The following MUC5B variants were observed in gnomAD, a reference collection of about 807,000 sequenced individuals.
MUC5B encodes mucin-5B.
In MUC5B, 116 loss-of-function variants were observed where a neutral mutation model predicts 376.9. The ratio of observed to expected loss-of-function variants is 0.31; its 90% CI spans 0.26 to 0.36. MUC5B has a LOEUF of 0.36. Ranked by LOEUF, MUC5B falls within the 10% of genes least tolerant of loss-of-function variation. MUC5B has a pLI of 1.00. For synonymous variants in MUC5B, 3,517 were observed against 3,390.9 expected, an observed-to-expected ratio of 1.04 and a Z score of -1.29; for missense variants, 7,165 against 7,769.9, an observed-to-expected ratio of 0.92 and a Z score of 2.93.
At chr11:1,226,065 AG>A (rs1382996446) in intron 2 of MUC5B, 139 bp from the exon 3 acceptor site, 9 of 819,050 alleles carry the variant, frequency 1.1e-5, no homozygotes, top group Non-Finnish European at 1.3e-5. Flanking sequence ...CCAAGGGTAA[AG>A]GGGCTGCCTT....
At position 1,260,132 on chromosome 11, in the gene MUC5B, G is replaced by A. The variant is rs377440425; in HGVS notation, c.16923+47G>A. The stretch of plus-strand genomic sequence containing the variant: ...CCTGCCTGGGAGTCCTTGTCCATCA[G>A]GGAGGCCCAACCCCTGTCTGGGATG... On this transcript the variant is annotated intron_variant, in intron 46 of 48. Transcript: ENST00000529681. 1.8e-4 allele frequency: 281 copies of A among 1,601,562 alleles called. 3 individuals carry two copies. In the African/African-American group the frequency reaches 3.4e-3, roughly 19 times the overall value.
rs570617650 is a variant in MUC5B at position 1,258,709 on chromosome 11, G to A, written c.16594-233G>A. On this transcript the variant is annotated intron_variant, in intron 43 of 48. Coordinates refer to ENST00000529681, the MANE Select transcript of MUC5B (RefSeq NM_002458.3). This position sits in a 1 kb window ranked among gnomAD's most constrained non-coding sequence, Gnocchi z 5.5. ...AGATTCCTGCCCCCATGGGGTCTCTGCCCACCCAGATTCCTGCCCACATGG... is the reference window on the plus strand; with the variant it reads ...AGATTCCTGCCCCCATGGGGTCTCTACCCACCCAGATTCCTGCCCACATGG... Among the ~76,000 whole-genome samples, 2 of 151,958 alleles carry A rather than the reference G, an allele frequency of 1.3e-5. No homozygotes were observed. Among genetic ancestry groups the A allele is most frequent in the East Asian group, 3.9e-4 (2 of 5,162 alleles).
chr11:1,252,411 G>A lies in MUC5B; in HGVS notation c.14932G>A (p.Asp4978Asn). The change falls in exon 32 of 49, where the codon GAC (aspartate) becomes AAC (asparagine). Residue 4978 changes from aspartate (D) to asparagine (N), a missense_variant. By Grantham distance (23) the Asp-to-Asn change is conservative. Coordinates refer to ENST00000529681, the MANE Select transcript of MUC5B (RefSeq NM_002458.3). The stretch of plus-strand genomic sequence containing the variant: ...CTACGCAGTGTGCAATCAGCACTGT[G>A]ACATTGACCGCTTCCAGGGCGCCTG... ...HFYAVCNQHCDIDRFQGACPT... is the reference protein window; with the variant it reads ...HFYAVCNQHCNIDRFQGACPT... The A allele has an allele frequency of 6.2e-7, 1 of 1,611,166 alleles. No homozygotes were observed. Among genetic ancestry groups the A allele is most frequent in the Non-Finnish European group, 8.5e-7 (1 of 1,178,988 alleles).
chr11:1,224,654 G>T (rs1393952689), intron 1 of MUC5B, among the ~76,000 whole-genome samples: 1 of 152,040 alleles, frequency 6.6e-6, no homozygotes, highest in South Asian at 2.1e-4. Flanking sequence ...TGGCACACAG[G>T]GGCAGGGCTG....
At chr11:1,231,083 G>A (rs917755523) in intron 13 of MUC5B, 78 bp downstream of exon 13, 13 of 1,397,676 alleles carry the variant, frequency 9.3e-6, no homozygotes, top group African/African-American at 2.9e-5. Context: ...GGCAGCGTCC[G>A]CTCCATCCCT....
rs1239815260 is a variant in MUC5B, at chr11:1,232,196, C to A, written c.1843+36C>A. 1.5e-5 allele frequency: 24 copies of A among 1,550,756 alleles called. No homozygotes were observed. In the African/African-American group the frequency reaches 2.0e-4, roughly 13 times the overall value. On this transcript the variant is annotated intron_variant, in intron 15 of 48. Coordinates refer to ENST00000529681, the MANE Select transcript of MUC5B (RefSeq NM_002458.3). ...CCCCCACCCCCACAGTCACCCCAGG[C>A]TCAAGTCCCACCCAGCACCTTCCTG...
At chr11:1,240,466 G>C in intron 30 of MUC5B, 91 bp downstream of exon 30, 1 of 1,219,716 alleles carries the variant, frequency 8.2e-7, no homozygotes. Flanking sequence ...CTGTATGGTA[G>C]CGACAGTCCC....
Position 1,231,290 on chromosome 11 carries a change from G to A in MUC5B, c.1541-133G>A, listed in dbSNP as rs1164498552. ...ACAGGCATGGGACAGGGAGCCTGAG[G>A]GCTCCTGGCCACTCCTGGGTCTCAC... is the stretch of plus-strand genomic sequence containing the variant. On this transcript the variant is annotated intron_variant, in intron 13 of 48. Coordinates refer to ENST00000529681, the MANE Select transcript of MUC5B (RefSeq NM_002458.3). 1.7e-5 allele frequency: 20 copies of A among 1,143,820 alleles called. No homozygotes were observed. The South Asian group carries it at 2.0e-4, about 12-fold the overall frequency. 70.9% of individuals were successfully genotyped at this position (1,143,820 alleles called of 1,614,324 possible).
chr11:1,238,299 CA>C (rs1196319524), intron 25 of MUC5B, among the ~76,000 whole-genome samples: 1 of 152,224 alleles, frequency 6.6e-6, no homozygotes. Context: ...CCCCAGTGAT[CA>C]GGGGACGAGG....
rs747287635 is a variant in MUC5B, at chr11:1,258,154, G to A, written c.16506G>A (p.Glu5502=). 6.2e-7 allele frequency: 1 copy of A among 1,602,792 alleles called. No individual in the cohort carries two copies. ...QSLPVCPPGQ[E]SICTQEEGDC... ...TGCCTGTGTGCCCGCCAGGGCAGGA[G>A]TCCATCTGCACCCAGGAGGAGGGCG... The change falls in exon 42 of 49, where the codon GAG becomes GAA. Residue 5502 remains glutamate, a synonymous_variant. Transcript: ENST00000529681. The surrounding 1 kb of genome is among the most constrained non-coding windows in gnomAD (Gnocchi z 5.5).
Position 1,246,727 on chromosome 11 carries a change from A to C in MUC5B, c.9847A>C (p.Thr3283Pro), listed in dbSNP as rs777266917. The change falls in exon 31 of 49, where the codon ACG becomes CCG. Residue 3283 changes from threonine (T) to proline (P), a missense_variant. By Grantham distance (38) the Thr-to-Pro change is conservative (BLOSUM62 -1). Transcript: ENST00000529681. ...CCACACCTCCACAGTGCTTACCACC[A>C]CGACCACCACAACCAGGGCCACCGG... The part of the protein sequence containing the change: ...TVHTSTVLTT[T>P]TTTTRATGSV... The C allele has an allele frequency of 1.2e-6, 2 of 1,608,206 alleles. No individual in the cohort carries two copies. Among genetic ancestry groups the C allele is most frequent in the Non-Finnish European group, 1.7e-6 (2 of 1,176,650 alleles).
chr11:1,260,196 C>A, intron 46 of MUC5B, 111 bp downstream of exon 46: 2 of 1,437,344 alleles, frequency 1.4e-6, no homozygotes, highest in South Asian at 2.6e-5. Flanking sequence ...GCTGGGGAGG[C>A]CCCACCCCTG....
intron 26 of MUC5B, 43 bp from the exon 27 acceptor site, chr11:1,239,395 G>A (rs1564937213): frequency 1.3e-6 from 2 of 1,578,244 alleles, no homozygotes; most frequent in African/African-American, 1.3e-5. Flanking sequence ...ACAGGGGTGA[G>A]GGCTGGTGGG....
rs1862993526 is a variant in MUC5B, at chr11:1,261,492, A to G, written c.17173A>G (p.Ile5725Val). 6.3e-7 allele frequency: 1 copy of G among 1,592,664 alleles called. No homozygotes were observed. Among genetic ancestry groups the G allele is most frequent in the Non-Finnish European group, 8.5e-7 (1 of 1,170,884 alleles). ...VPLHCPNGSA[I>V]LHTYTHVDEC... is the part of the protein sequence containing the mutation. ...CTTGCACTGTCCTAACGGCTCAGCC[A>G]TCCTGCACACCTACACCCACGTGGA... Residue 5725 changes from isoleucine to valine, a missense_variant, in exon 49 of 49, where the codon ATC becomes GTC. Transcript: ENST00000529681.
rs777381233 is a variant in MUC5B, at chr11:1,247,128, C to T, written c.10248C>T (p.Pro3416=). Reference sequence around the variant, plus strand: ...CAACTCCAGGGACAACTCCCATCCCCCCAGTGCTGACCACCACCGCCACCA... The same window carrying T: ...CAACTCCAGGGACAACTCCCATCCCTCCAGTGCTGACCACCACCGCCACCA... ...PSSTPGTTPI[P]PVLTTTATTP... The change falls in exon 31 of 49, where the codon CCC becomes CCT. Residue 3416 remains proline, a synonymous_variant. Transcript: ENST00000529681. 5 of 1,569,418 alleles carry T rather than the reference C, an allele frequency of 3.2e-6. No homozygotes were observed. In the Admixed American group the frequency reaches 5.8e-5, roughly 18 times the overall value.
chr11:1,254,182 G>C lies in MUC5B; in HGVS notation c.15308G>C (p.Arg5103Thr), dbSNP rs1048031100. The change falls in exon 34 of 49, where the codon AGA becomes ACA. Residue 5103 changes from arginine (R) to threonine (T), a missense_variant. Around this residue, in one of 31 missense-constraint regions of MUC5B, gnomAD observed 842 missense variants for 1,016.9 expected, o/e 0.83. Transcript: ENST00000529681. Reference protein sequence around the residue: ...FRGNCTYVLMREIHARFGNLS... With the variant: ...FRGNCTYVLMTEIHARFGNLS... Reference sequence around the variant, plus strand: ...GGCAACTGCACCTATGTCCTCATGAGAGAGATCCATGCACGCTTTGGGAAT... The same window carrying C: ...GGCAACTGCACCTATGTCCTCATGACAGAGATCCATGCACGCTTTGGGAAT... 4.3e-6 allele frequency: 7 copies of C among 1,612,832 alleles called. No homozygotes were observed. The highest frequency in any genetic ancestry group is 5.9e-6 in the Non-Finnish European group (7 of 1,179,876).
chr11:1,239,218 C>A, intron 26 of MUC5B, 191 bp downstream of exon 26: 1 of 919,746 alleles, frequency 1.1e-6, no homozygotes, highest in Non-Finnish European at 1.6e-6. Flanking sequence ...AGACAGGTTG[C>A]CCCAGCATGA....
chr11:1,239,143 A>G (rs1476915516), intron 26 of MUC5B, 116 bp downstream of exon 26: 2 of 1,263,426 alleles, frequency 1.6e-6, no homozygotes. Context: ...GACATCCAAC[A>G]CGCATGTGCC....
rs781056484 is a variant in MUC5B at position 1,250,753 on chromosome 11, C to T, written c.13873C>T (p.Pro4625Ser). 2.5e-6 allele frequency: 4 copies of T among 1,595,872 alleles called. No individual in the cohort carries two copies. Among genetic ancestry groups the T allele is most frequent in the East Asian group, 2.2e-5 (1 of 44,694 alleles). Residue 4625 changes from proline to serine, a missense_variant, in exon 31 of 49, where the codon CCC (proline) becomes TCC (serine). Pro to Ser is a moderately conservative substitution (Grantham distance 74). Coordinates refer to ENST00000529681, the MANE Select transcript of MUC5B (RefSeq NM_002458.3). ...PPVWISTTTT[P>S]TTTTPTTSGS... ...AGTGTGGATCAGCACAACCACCACACCCACAACCACCACACCCACAACCAG... is the reference window on the plus strand; with the variant it reads ...AGTGTGGATCAGCACAACCACCACATCCACAACCACCACACCCACAACCAG...
Sources: allele counts gnomAD v4.1 joint callset (sites outside exome capture counted in the v4.1 genomes callset), GRCh38; gene constraint gnomAD v4.1.1; regional missense constraint gnomAD v4.1.1; non-coding constraint Gnocchi (gnomAD v3.1); transcripts MANE v1.5; gene names NCBI Gene and HGNC (gene_info 2026-07-23, HGNC 2026-07-21).